ATRX: variants seen among roughly 807,000 people sequenced by gnomAD.
The protein encoded by ATRX is chromatin remodeler ATRX.
In ATRX, 12 loss-of-function variants were observed where a neutral mutation model predicts 172.6. The ratio of observed to expected loss-of-function variants is 0.07; its 90% CI spans 0.04 to 0.11. ATRX has a LOEUF of 0.11. Among genes scored for constraint, ATRX ranks in the 10% least tolerant of loss-of-function variants. ATRX has a pLI of 1.00. For synonymous variants in ATRX, 674 were observed against 594.7 expected (o/e 1.13, Z -1.94); for missense variants, 1,368 against 1,767.4 (o/e 0.77, Z 4.05).
intron 9 of ATRX, among the ~76,000 whole-genome samples, chrX:77,676,810 T>A (rs1027632128): frequency 1.6e-4 from 18 of 112,596 alleles, no homozygotes; most frequent in African/African-American, 5.8e-4. Flanking sequence ...AAAAGCTGCA[T>A]TTCTATATTT....
chrX:77,758,559 C>T (rs187981422), intron 1 of ATRX, among the ~76,000 whole-genome samples: 44 of 109,377 alleles, frequency 4.0e-4, no homozygotes, highest in Admixed American at 3.1e-3. Flanking sequence ...AGTTCAAGAC[C>T]AGCCTGGCCA....
In ATRX at chrX:77,717,110, GCA is replaced by G; in HGVS notation, c.133+19_133+20del. On this transcript the variant is annotated intron_variant, in intron 2 of 34. Transcript: ENST00000373344. ...AATAGAAAAAAGACTAGAAGGTATAGCACATTCTTTTTCAATTTACCTGTGTT... is the reference window on the plus strand; with the variant it reads ...AATAGAAAAAAGACTAGAAGGTATAGCATTCTTTTTCAATTTACCTGTGTT... 2 of 1,132,636 alleles carry G rather than the reference GCA, an allele frequency of 1.8e-6. No homozygotes were observed. Among genetic ancestry groups the G allele is most frequent in the Non-Finnish European group, 2.4e-6 (2 of 824,517 alleles). 93.3% of individuals were successfully genotyped at this position (1,132,636 alleles called of 1,213,427 possible).
At chrX:77,623,445 G>T (rs892177376) in intron 19 of ATRX, among the ~76,000 whole-genome samples, 18 of 111,320 alleles carry the variant, frequency 1.6e-4, no homozygotes, top group African/African-American at 5.6e-4. Flanking sequence ...AAAAGTCCAG[G>T]ACCAGACCAA....
chrX:77,613,524 T>TAC (rs782737154), intron 22 of ATRX, among the ~76,000 whole-genome samples: 54 of 112,317 alleles, frequency 4.8e-4, no homozygotes, highest in South Asian at 2.2e-3. Flanking sequence ...GGTCCACTTA[T>TAC]ACAGACTTTG....
intron 2 of ATRX, among the ~76,000 whole-genome samples, chrX:77,714,527 G>A (rs187824260): frequency 3.8e-4 from 43 of 111,744 alleles, no homozygotes; most frequent in African/African-American, 1.3e-3. Flanking sequence ...ACTTTAGACT[G>A]GGTTTACCTA....
intron 33 of ATRX, 127 bp downstream of exon 33, chrX:77,521,276 T>G: frequency 1.8e-6 from 1 of 561,429 alleles, no homozygotes; most frequent in Non-Finnish European, 3.0e-6. Context: ...TATCCATCCA[T>G]TTTACCAGTA....
At position 77,616,716 on chromosome X, in the gene ATRX, T is replaced by G; in HGVS notation, c.5463A>C (p.Thr1821=). The G allele has an allele frequency of 8.6e-7, 1 of 1,167,916 alleles. No homozygotes were observed. Among genetic ancestry groups the G allele is most frequent in the Non-Finnish European group, 1.2e-6 (1 of 856,189 alleles). The change falls in exon 22 of 35, where the codon ACA becomes ACC. Residue 1821 remains threonine, a synonymous_variant. Transcript: ENST00000373344. ...LAGCVQRKDY[T]ALTKFLPPKH... ...TTGGAGGCAAGAATTTTGTTAATGC[T>G]GTATAATCTTTCCTCTGTAATTAAC...
At chrX:77,642,511 T>C (rs1295097774) in intron 15 of ATRX, among the ~76,000 whole-genome samples, 4 of 109,723 alleles carry the variant, frequency 3.6e-5, no homozygotes, top group Non-Finnish European at 5.7e-5. Context: ...CTTTCAAAAA[T>C]GAAGAGATTA....
chrX:77,674,503 A>C (rs1310637763), intron 10 of ATRX: 1 of 111,569 alleles, frequency 9.0e-6, no homozygotes, highest in African/African-American at 3.2e-5. Flanking sequence ...ACTTTCCAAT[A>C]AAATACTTGC....
chrX:77,653,927 T>C (rs1171418271), intron 14 of ATRX, among the ~76,000 whole-genome samples, 171 bp downstream of exon 14: 2 of 111,781 alleles, frequency 1.8e-5, no homozygotes, highest in Admixed American at 9.5e-5. Flanking sequence ...AATGATAATG[T>C]CAAATCAATA....
chrX:77,566,116 T>C (rs2065188628), intron 28 of ATRX, among the ~76,000 whole-genome samples: 1 of 111,251 alleles, frequency 9.0e-6, no homozygotes, highest in Non-Finnish European at 1.9e-5. Flanking sequence ...AAATAATGAC[T>C]GAAAATTACC....
intron 30 of ATRX, among the ~76,000 whole-genome samples, chrX:77,538,895 AT>A (rs567391617): frequency 0.011 from 1,003 of 89,314 alleles, 10 homozygotes; most frequent in African/African-American, 0.019. Context: ...ACTTTGCTCC[AT>A]TTTTTTTTTT....
At chrX:77,653,028 AAG>A (rs2069350593) in intron 14 of ATRX, among the ~76,000 whole-genome samples, 1 of 110,149 alleles carries the variant, frequency 9.1e-6, no homozygotes, top group African/African-American at 3.3e-5. Context: ...AAAAGAAAAA[AAG>A]AAAAAAAGAA....
At chrX:77,554,325 C>T (rs976986198) in intron 30 of ATRX, among the ~76,000 whole-genome samples, 1 of 110,785 alleles carries the variant, frequency 9.0e-6, no homozygotes, top group Admixed American at 9.6e-5. Context: ...AAAACATTTT[C>T]GCTGCCTATC....
In ATRX at chrX:77,508,029, G is replaced by T; in HGVS notation, c.*322C>A. On this transcript the variant is annotated 3_prime_UTR_variant, in exon 35 of 35. Transcript: ENST00000373344. ...TTATTAATTTTATGACAATTTTATG[G>T]TTGCTAAAAGCAGGCATAAAAATTT... 2 of 211,871 alleles carry T rather than the reference G, an allele frequency of 9.4e-6. No individual in the cohort carries two copies. Among genetic ancestry groups the T allele is most frequent in the Non-Finnish European group, 1.7e-5 (2 of 116,347 alleles). The allele number at this position is 211,871 out of a possible 1,213,427, so 17.5% of individuals were successfully genotyped here.
At chrX:77,666,506 G>C (rs1023203381) in intron 10 of ATRX, among the ~76,000 whole-genome samples, 1 of 111,940 alleles carries the variant, frequency 8.9e-6, no homozygotes, top group South Asian at 3.7e-4. Context: ...AGAATAAAGG[G>C]AAACCCTTTA....
intron 2 of ATRX, among the ~76,000 whole-genome samples, chrX:77,715,512 T>C (rs931199015): frequency 3.1e-4 from 35 of 112,569 alleles, no homozygotes; most frequent in Non-Finnish European, 6.6e-4. Context: ...GCACTTTTCT[T>C]TGACATTTTA....
chrX:77,634,526 A>T, intron 17 of ATRX, 68 bp downstream of exon 17: 1 of 936,818 alleles, frequency 1.1e-6, no homozygotes, highest in Non-Finnish European at 1.5e-6. Context: ...TGCCTGAAAC[A>T]TAATAGAATC....
At chrX:77,545,124 T>C (rs1557052752) in intron 30 of ATRX, among the ~76,000 whole-genome samples, 3 of 112,655 alleles carry the variant, frequency 2.7e-5, no homozygotes, top group African/African-American at 6.4e-5. Flanking sequence ...TAGCCATCTG[T>C]AGATTTGTTT....
Sources: allele counts gnomAD v4.1 joint callset (sites outside exome capture counted in the v4.1 genomes callset), GRCh38; gene constraint gnomAD v4.1.1; transcripts MANE v1.5; gene names NCBI Gene and HGNC (gene_info 2026-07-23, HGNC 2026-07-21).